The following TESPA1 variants were observed in gnomAD, a reference collection of about 807,000 sequenced individuals.
TESPA1 encodes thymocyte expressed, positive selection associated 1.
Under a neutral mutation model 57.9 loss-of-function variants are expected in TESPA1, and 33 were observed. The ratio of observed to expected loss-of-function variants is 0.57; its 90% confidence interval spans 0.43 to 0.76. The LOEUF is 0.76. Among genes scored for constraint, TESPA1 ranks in the 30% least tolerant of loss-of-function variants. The pLI is 0.00. For missense variants in TESPA1, 618 were observed against 632.9 expected, an observed-to-expected ratio of 0.98 and a Z score of 0.25; for synonymous variants, 227 against 228.9, an observed-to-expected ratio of 0.99 and a Z score of 0.07.
At chr12:54,974,665 C>G in intron 1 of TESPA1, 58 bp from the exon 2 acceptor site, 1 of 1,283,218 alleles carries the variant, frequency 7.8e-7, no homozygotes, top group Non-Finnish European at 1.0e-6. Context: ...CATCATGATG[C>G]TCAGGGTTGC....
At chr12:54,973,429 A>T (rs757805089) in intron 3 of TESPA1, 48 bp downstream of exon 3, 17 of 1,612,768 alleles carry the variant, frequency 1.1e-5, no homozygotes, top group Non-Finnish European at 4.2e-6. Context: ...TCTGTTAGCA[A>T]ATTCAACCAT....
chr12:54,966,467 A>C (rs1676390913), intron 5 of TESPA1, 43 bp from the exon 6 acceptor site: 4 of 1,603,110 alleles, frequency 2.5e-6, no homozygotes, highest in Non-Finnish European at 2.6e-6. Flanking sequence ...TAGAAGGGAA[A>C]ATGAAAATCA....
At chr12:54,972,127 G>T (rs1592401501) in intron 3 of TESPA1, among the ~76,000 whole-genome samples, 1 of 152,182 alleles carries the variant, frequency 6.6e-6, no homozygotes, top group Admixed American at 6.5e-5. Flanking sequence ...CAAGAATTAG[G>T]CTCAAGTCTT....
chr12:54,971,240 G>A (rs751869206), intron 3 of TESPA1, among the ~76,000 whole-genome samples: 5 of 152,256 alleles, frequency 3.3e-5, no homozygotes, highest in African/African-American at 4.8e-5. Context: ...CAGGGCACCT[G>A]GCAGAGTGGA....
In TESPA1 at chr12:54,962,960, T is replaced by C; in HGVS notation, c.938A>G (p.Asp313Gly). The change falls in exon 9 of 11, where the codon GAC becomes GGC. Residue 313 changes from aspartate to glycine, a missense_variant. By Grantham distance (94) the Asp-to-Gly change is moderately conservative. Coordinates refer to ENST00000449076, the MANE Select transcript of TESPA1 (RefSeq NM_001136030.3). ...PHNTPKRNSL[D>G]QVVLEVMDKV... The stretch of plus-strand genomic sequence containing the variant: ...GTCCATCACTTCCAACACAACTTGG[T>C]CCAAACTGTTCCTTTTGGGGGTGTT... The C allele has an allele frequency of 6.2e-7, 1 of 1,613,598 alleles. No homozygotes were observed. Among genetic ancestry groups the C allele is most frequent in the East Asian group, 2.2e-5 (1 of 44,830 alleles).
At position 54,962,529 on chromosome 12, in the gene TESPA1, G is replaced by C. The variant is rs746585717; in HGVS notation, c.1369C>G (p.Leu457Val). 1.2e-6 allele frequency: 2 copies of C among 1,613,754 alleles called. No individual in the cohort carries two copies. Among genetic ancestry groups the C allele is most frequent in the Non-Finnish European group, 1.7e-6 (2 of 1,179,892 alleles). The change falls in exon 9 of 11, where the codon CTG becomes GTG. Residue 457 changes from leucine (L) to valine (V), a missense_variant. Around this residue, in one of 3 missense-constraint regions of TESPA1, gnomAD observed 409 missense variants for 420.1 expected, o/e 0.97. Coordinates refer to ENST00000449076, the MANE Select transcript of TESPA1 (RefSeq NM_001136030.3). ...TTCCATTTCTGCTGGGTGATGGACA[G>C]GTCCAAGGACTTAACCTTCCTGCCC... ...LMGRKVKSLD[L>V]SITQQKWKQS...
chr12:54,974,173 C>T (rs1286236719), intron 2 of TESPA1, among the ~76,000 whole-genome samples: 1 of 152,182 alleles, frequency 6.6e-6, no homozygotes. Context: ...CAGGATGATG[C>T]AAAAATGTGC....
At chr12:54,978,072 A>C (rs887268272) in intron 1 of TESPA1, among the ~76,000 whole-genome samples, 1 of 151,982 alleles carries the variant, frequency 6.6e-6, no homozygotes, top group African/African-American at 2.4e-5. Flanking sequence ...TCAGACAAGC[A>C]CATCAGCCAT....
intron 10 of TESPA1, among the ~76,000 whole-genome samples, chr12:54,952,772 TGA>T (rs1049287921): frequency 1.2e-4 from 18 of 152,356 alleles, no homozygotes; most frequent in African/African-American, 3.8e-4. Flanking sequence ...TACATTTGCA[TGA>T]GAGTCATTAT....
intron 1 of TESPA1, among the ~76,000 whole-genome samples, 156 bp downstream of exon 1, chr12:54,984,429 T>C (rs1028849680): frequency 6.6e-6 from 1 of 152,190 alleles, no homozygotes; most frequent in Non-Finnish European, 1.5e-5. Flanking sequence ...GGCATAATGA[T>C]GGATGCTTTT....
chr12:54,974,630 A>T, intron 1 of TESPA1, 23 bp from the exon 2 acceptor site: 1 of 1,399,942 alleles, frequency 7.1e-7, no homozygotes, highest in Non-Finnish European at 9.4e-7. Context: ...AAACAGTGAT[A>T]CTCCCTCATC....
rs1172209527 is a variant in TESPA1, at chr12:54,963,908, A to T, written c.489T>A (p.Asp163Glu). The T allele has an allele frequency of 6.2e-7, 1 of 1,613,916 alleles. No individual in the cohort carries two copies. The highest frequency in any genetic ancestry group is 8.5e-7 in the Non-Finnish European group (1 of 1,179,882). The change falls in exon 8 of 11, where the codon GAT (aspartate) becomes GAA (glutamate). Residue 163 changes from aspartate to glutamate, a missense_variant. Transcript: ENST00000449076. ...ILDKVQEDAE[D>E]VLFSLGFGQE... is the part of the protein sequence containing the mutation. The stretch of plus-strand genomic sequence containing the variant: ...GGCCAAAGCCCAGACTGAAGAGGAC[A>T]TCTTCTGCATCTTCTTGCACTTTGT...
intron 3 of TESPA1, among the ~76,000 whole-genome samples, chr12:54,969,444 C>A (rs1414712870): frequency 6.6e-6 from 1 of 152,000 alleles, no homozygotes. Context: ...ACTACTAAGG[C>A]CTACTATTAC....
In TESPA1 at chr12:54,963,092, A is replaced by T; in HGVS notation, c.806T>A (p.Ile269Asn). The T allele has an allele frequency of 1.9e-6, 3 of 1,613,908 alleles. No homozygotes were observed. The highest frequency in any genetic ancestry group is 2.5e-6 in the Non-Finnish European group (3 of 1,179,860). Residue 269 changes from isoleucine (I) to asparagine (N), a missense_variant, in exon 9 of 11, where the codon ATT (isoleucine) becomes AAT (asparagine). Transcript: ENST00000449076. ...CTGGGGTTCAGGCTCTCGGGACAGA[A>T]TCCTGATGGATGGCACATCAGTTGG... The part of the protein sequence containing the change: ...NHPTDVPSIR[I>N]LSREPEPQSP...
chr12:54,973,246 C>T (rs1951949550), intron 3 of TESPA1, among the ~76,000 whole-genome samples: 3 of 152,196 alleles, frequency 2.0e-5, no homozygotes, highest in Admixed American at 6.5e-5. Context: ...AACCTCTATT[C>T]CTAGACCTCG....
Position 54,962,749 on chromosome 12 carries a change from A to G in TESPA1, c.1149T>C (p.Asp383=). 2 of 1,613,878 alleles carry G rather than the reference A, an allele frequency of 1.2e-6. No individual in the cohort carries two copies. Among genetic ancestry groups the G allele is most frequent in the Non-Finnish European group, 1.7e-6 (2 of 1,179,884 alleles). ...TGCAACAGGGTACCTTGGGGTTCGAATCCAGAGTTTGGGATGGTGCTAGCA... is the reference window on the plus strand; with the variant it reads ...TGCAACAGGGTACCTTGGGGTTCGAGTCCAGAGTTTGGGATGGTGCTAGCA... ...STVLAPSQTL[D]SNPKVPCCTH... The change falls in exon 9 of 11, where the codon GAT becomes GAC. Residue 383 remains aspartate (D), a synonymous_variant. Transcript: ENST00000449076.
chr12:54,961,356 G>A, intron 9 of TESPA1, 89 bp from the exon 10 acceptor site: 3 of 1,417,222 alleles, frequency 2.1e-6, no homozygotes, highest in Admixed American at 3.5e-5. Flanking sequence ...GTAGGGGAAG[G>A]AGGCTGAGTG....
intron 3 of TESPA1, among the ~76,000 whole-genome samples, chr12:54,972,139 G>A (rs1040550286): frequency 2.6e-5 from 4 of 152,186 alleles, no homozygotes; most frequent in African/African-American, 9.7e-5. Context: ...TCAAGTCTTG[G>A]AGACTTTTCA....
rs1178321895 is a variant in TESPA1, at chr12:54,963,753, A to C, written c.644T>G (p.Leu215Arg). ...GGAGGGACACTCACTGGCCAGCATG[A>C]GGCAGGGGTCTTCCATTTCAATCCT... ...VRRIEMEDPC[L>R]MLASRFKQVQ... is the part of the protein sequence containing the mutation. Residue 215 changes from leucine (L) to arginine (R), a missense_variant, in exon 8 of 11, where the codon CTC (leucine) becomes CGC (arginine). Leu to Arg is a moderately radical substitution (Grantham distance 102, BLOSUM62 -2). This residue lies in a region of TESPA1 where 409 missense variants were observed against 420.1 expected (regional missense o/e 0.97). Transcript: ENST00000449076. The C allele has an allele frequency of 2.5e-6, 4 of 1,612,374 alleles. No homozygotes were observed. Among genetic ancestry groups the C allele is most frequent in the Non-Finnish European group, 3.4e-6 (4 of 1,179,476 alleles).
Sources: allele counts gnomAD v4.1 joint callset (sites outside exome capture counted in the v4.1 genomes callset), GRCh38; gene constraint gnomAD v4.1.1; regional missense constraint gnomAD v4.1.1; transcripts MANE v1.5; gene names NCBI Gene and HGNC (gene_info 2026-07-23, HGNC 2026-07-21).